The following MICU3 variants were observed in gnomAD, a reference collection of about 807,000 sequenced individuals.
MICU3 encodes calcium uptake protein 3, mitochondrial.
MICU3 carries 62 observed loss-of-function variants against 66.5 expected under a neutral mutation model. The observed-to-expected ratio is 0.93, with a 90% CI of 0.76 to 1.15. MICU3 has a LOEUF of 1.15. MICU3 is among the 50% of genes most tolerant of loss of function. The probability of loss-of-function intolerance (pLI) is 0.00; values close to 1 mark genes in which losing one functional copy is unlikely to be tolerated. For missense variants in MICU3, 779 were observed against 664.4 expected (o/e 1.17, Z -1.90); for synonymous variants, 308 against 240.7 (o/e 1.28, Z -2.59).
At chr8:17,053,986 T>C (rs147934264) in intron 1 of MICU3, among the ~76,000 whole-genome samples, 171 of 152,348 alleles carry the variant, frequency 1.1e-3, no homozygotes, top group African/African-American at 3.9e-3. Context: ...GGCCTCACAC[T>C]TATAAATAAG....
chr8:17,115,118 CAA>C (rs11312297), intron 12 of MICU3, among the ~76,000 whole-genome samples: 5,176 of 123,514 alleles, frequency 0.042, 116 homozygotes, highest in Non-Finnish European at 0.06. Flanking sequence ...GACTCCGTCT[CAA>C]AAAAAAAAAA....
chr8:17,062,701 G>T (rs1402904291), intron 1 of MICU3, among the ~76,000 whole-genome samples: 1 of 151,976 alleles, frequency 6.6e-6, no homozygotes, highest in Non-Finnish European at 1.5e-5. Flanking sequence ...CATGTAAATT[G>T]CTATAAACTC....
intron 1 of MICU3, among the ~76,000 whole-genome samples, chr8:17,063,113 G>C (rs912364122): frequency 6.6e-6 from 1 of 152,110 alleles, no homozygotes; most frequent in Non-Finnish European, 1.5e-5. Context: ...GTTTTAGTAA[G>C]TAAAAAGGTC....
intron 9 of MICU3, 129 bp downstream of exon 9, chr8:17,098,682 A>T: frequency 1.6e-6 from 1 of 644,062 alleles, no homozygotes; most frequent in Non-Finnish European, 2.8e-6. Context: ...GTACAGCAAA[A>T]ATTACTATAT....
chr8:17,132,048 A>G, the MICU3 span: 1 of 152,180 alleles, frequency 6.6e-6, no homozygotes, highest in Non-Finnish European at 1.5e-5. Context: ...AGGAGATGCA[A>G]CAATCATTGC....
intron 3 of MICU3, among the ~76,000 whole-genome samples, chr8:17,073,159 C>T (rs901166346): frequency 2.0e-5 from 3 of 152,158 alleles, no homozygotes; most frequent in African/African-American, 7.2e-5. Flanking sequence ...GTTGAAAATG[C>T]ATATGAGAAA....
intron 1 of MICU3, among the ~76,000 whole-genome samples, chr8:17,045,091 T>A (rs1814834861): frequency 1.3e-5 from 2 of 152,146 alleles, no homozygotes; most frequent in African/African-American, 2.4e-5. Flanking sequence ...CGGAGGTATC[T>A]GCTAGTCTTT....
chr8:17,062,753 G>T (rs536004836), intron 1 of MICU3, among the ~76,000 whole-genome samples: 2 of 152,060 alleles, frequency 1.3e-5, no homozygotes, highest in East Asian at 1.9e-4. Flanking sequence ...TGACTAATCA[G>T]TTTCACTCCT....
At chr8:17,054,931 G>T (rs1361560954) in intron 1 of MICU3, among the ~76,000 whole-genome samples, 1 of 151,784 alleles carries the variant, frequency 6.6e-6, no homozygotes, top group Non-Finnish European at 1.5e-5. Flanking sequence ...TAGAGATGGG[G>T]TTTCACTATG....
In MICU3 at chr8:17,036,054, G is replaced by A. The variant is rs535340796; in HGVS notation, c.381+8394G>A. On this transcript the variant is annotated intron_variant, in intron 1 of 14. Coordinates refer to ENST00000318063, the MANE Select transcript of MICU3 (RefSeq NM_181723.3). ...TTCAAGAATGAAGCCGCGGACCCTC[G>A]CGGTGAGTGTTACAGCTCTTAAGGT... Among the ~76,000 whole-genome samples the A allele has an allele frequency of 2.6e-5, 4 of 152,290 alleles. No individual in the cohort carries two copies. In the South Asian group the frequency reaches 8.3e-4, roughly 32 times the overall value.
intron 9 of MICU3, among the ~76,000 whole-genome samples, chr8:17,103,962 T>C (rs925028061): frequency 4.0e-5 from 6 of 151,898 alleles, no homozygotes; most frequent in African/African-American, 1.4e-4. Flanking sequence ...ATTCAGTATA[T>C]CTGAAGAGGT....
chr8:17,077,878 A>G lies in MICU3; in HGVS notation c.646+17A>G, dbSNP rs1007557673. 7 of 1,542,376 alleles carry G rather than the reference A, an allele frequency of 4.5e-6. No individual in the cohort carries two copies. In the South Asian group the frequency reaches 5.7e-5, roughly 13 times the overall value. ...AAGAAAAAGGTGAGTTAACCTTAGT[A>G]CTTGTTCTTTTTTTAAACTATATTA... On this transcript the variant is annotated intron_variant, in intron 4 of 14. Coordinates refer to ENST00000318063, the MANE Select transcript of MICU3 (RefSeq NM_181723.3).
chr8:17,136,924 T>C, the MICU3 span, among the ~76,000 whole-genome samples: 2 of 149,854 alleles, frequency 1.3e-5, no homozygotes, highest in African/African-American at 4.9e-5. Context: ...AACCTCCACC[T>C]CCTGGGTTCA....
At chr8:17,036,064 T>C (rs1239949383) in intron 1 of MICU3, among the ~76,000 whole-genome samples, 1 of 152,316 alleles carries the variant, frequency 6.6e-6, no homozygotes, top group East Asian at 1.9e-4. Flanking sequence ...GCGGTGAGTG[T>C]TACAGCTCTT....
chr8:17,029,639 C>G (rs141226667), intron 1 of MICU3, among the ~76,000 whole-genome samples: 2 of 152,120 alleles, frequency 1.3e-5, no homozygotes, highest in African/African-American at 4.8e-5. Flanking sequence ...TTCTGATTGT[C>G]ATGCCTTTTG....
chr8:17,039,895 C>CTTTTTT (rs35133600), intron 1 of MICU3, among the ~76,000 whole-genome samples: 1,447 of 62,576 alleles, frequency 0.023, 293 homozygotes, highest in Non-Finnish European at 0.031. Context: ...ATCTTGCATT[C>CTTTTTT]TTTTTTTTTT....
chr8:17,062,473 A>G (rs1186816502), intron 1 of MICU3, among the ~76,000 whole-genome samples: 1 of 152,120 alleles, frequency 6.6e-6, no homozygotes, highest in East Asian at 1.9e-4. Flanking sequence ...TAATGTTTTG[A>G]GAAGTCTTAG....
intron 1 of MICU3, among the ~76,000 whole-genome samples, chr8:17,028,985 A>G (rs1478257069): frequency 6.6e-6 from 1 of 152,174 alleles, no homozygotes; most frequent in Non-Finnish European, 1.5e-5. Flanking sequence ...TGCAGTTTTT[A>G]AAAAGACCAC....
the MICU3 span, among the ~76,000 whole-genome samples, chr8:17,136,722 C>T: frequency 1.3e-5 from 2 of 152,000 alleles, no homozygotes; most frequent in African/African-American, 2.4e-5. Flanking sequence ...GCAGGGCATA[C>T]GTGACCCAGA....
Sources: allele counts gnomAD v4.1 joint callset (sites outside exome capture counted in the v4.1 genomes callset), GRCh38; gene constraint gnomAD v4.1.1; transcripts MANE v1.5; gene names NCBI Gene and HGNC (gene_info 2026-07-23, HGNC 2026-07-21).